The following GPHN variants were observed in gnomAD, a reference collection of about 807,000 sequenced individuals.
GPHN encodes gephyrin.
In GPHN, 17 loss-of-function variants were observed where a neutral mutation model predicts 95.5. That is an observed-to-expected ratio of 0.18 (90% CI 0.12 to 0.27). The LOEUF (loss-of-function observed/expected upper bound fraction) is 0.27. Among genes scored for constraint, GPHN ranks in the 10% least tolerant of loss-of-function variants. The pLI is 1.00. For missense variants in GPHN, 660 were observed against 978.1 expected, an observed-to-expected ratio of 0.67 and a Z score of 4.34; for synonymous variants, 320 against 322.5, an observed-to-expected ratio of 0.99 and a Z score of 0.08.
chr14:66,760,166 A>T (rs1017554484), intron 2 of GPHN, among the ~76,000 whole-genome samples: 3 of 152,166 alleles, frequency 2.0e-5, no homozygotes, highest in African/African-American at 7.2e-5. Flanking sequence ...TACAATTACT[A>T]TATGTGTTTT....
chr14:67,410,792 G>A, the GPHN span, among the ~76,000 whole-genome samples: 2 of 152,112 alleles, frequency 1.3e-5, no homozygotes, highest in Admixed American at 1.3e-4. Context: ...GCTCAGCCCT[G>A]GATTTATATG....
the GPHN span, chr14:67,557,456 C>G: frequency 6.3e-7 from 1 of 1,598,128 alleles, no homozygotes; most frequent in Non-Finnish European, 8.5e-7. Context: ...ATGCCCTCTT[C>G]GACATCTGTA....
chr14:67,014,903 C>T (rs1166591708), intron 9 of GPHN, among the ~76,000 whole-genome samples: 1 of 152,128 alleles, frequency 6.6e-6, no homozygotes, highest in Non-Finnish European at 1.5e-5. Flanking sequence ...AAGAGGAGAC[C>T]AGCCTGGGAT....
the GPHN span, among the ~76,000 whole-genome samples, chr14:67,686,709 C>CAAAGCACATGCTTTATGCTATTACATAA: frequency 6.6e-6 from 1 of 150,518 alleles, no homozygotes; most frequent in Non-Finnish European, 1.5e-5. Context: ...CATGCTATTT[C>CAAAGCACATGCTTTATGCTATTACATAA]AGGCCCCCAA....
chr14:67,299,273 G>T, the GPHN span, among the ~76,000 whole-genome samples: 2 of 151,872 alleles, frequency 1.3e-5, no homozygotes, highest in Admixed American at 6.6e-5. Context: ...AATATATTCT[G>T]GCTACAAGTT....
the GPHN span, among the ~76,000 whole-genome samples, chr14:67,541,424 C>T: frequency 6.6e-6 from 1 of 152,244 alleles, no homozygotes; most frequent in Non-Finnish European, 1.5e-5. Context: ...TTGAAAAACA[C>T]AAAGACAAGG....
chr14:67,531,642 C>A, the GPHN span, among the ~76,000 whole-genome samples: 2 of 150,154 alleles, frequency 1.3e-5, no homozygotes, highest in African/African-American at 4.9e-5. Flanking sequence ...GGCCGAGGTG[C>A]GGTGGCTCAT....
intron 4 of GPHN, among the ~76,000 whole-genome samples, chr14:66,848,764 A>G (rs1208715238): frequency 6.6e-6 from 1 of 152,020 alleles, no homozygotes; most frequent in African/African-American, 2.4e-5. Context: ...TGGAAATAAT[A>G]CATGCTTTTT....
chr14:67,011,778 A>G (rs2073026479), intron 9 of GPHN, among the ~76,000 whole-genome samples: 1 of 149,476 alleles, frequency 6.7e-6, no homozygotes, highest in Non-Finnish European at 1.5e-5. Context: ...TGCTATGAAG[A>G]TAGAATACAC....
intron 1 of GPHN, among the ~76,000 whole-genome samples, chr14:66,552,686 T>C (rs2059858048): frequency 1.3e-5 from 2 of 152,244 alleles, no homozygotes; most frequent in Admixed American, 1.3e-4. Context: ...ATATTTATTA[T>C]TGATGAATAT....
At chr14:66,857,956 A>G (rs1309498967) in intron 4 of GPHN, among the ~76,000 whole-genome samples, 2 of 152,170 alleles carry the variant, frequency 1.3e-5, no homozygotes, top group African/African-American at 4.8e-5. Context: ...AATACTGCCC[A>G]TAGAGGGACC....
At chr14:67,225,980 CAT>C in the GPHN span, among the ~76,000 whole-genome samples, 273 of 139,838 alleles carry the variant, frequency 2.0e-3, 7 homozygotes, top group Middle Eastern at 3.7e-3. Flanking sequence ...CGCGCGTGCG[CAT>C]GCGCGTGCAT....
At chr14:67,422,949 A>G in the GPHN span, among the ~76,000 whole-genome samples, 2 of 150,150 alleles carry the variant, frequency 1.3e-5, no homozygotes, top group Non-Finnish European at 2.9e-5. Context: ...ATCCTGCCTC[A>G]GCCTCCCGAG....
the GPHN span, among the ~76,000 whole-genome samples, chr14:67,687,379 A>G: frequency 6.6e-6 from 1 of 151,182 alleles, no homozygotes; most frequent in Non-Finnish European, 1.5e-5. Context: ...CAACCTACCA[A>G]TGGTAACCTT....
chr14:67,620,086 C>G, the GPHN span: 1 of 1,598,774 alleles, frequency 6.3e-7, no homozygotes, highest in East Asian at 2.3e-5. Context: ...CTCACAAGGG[C>G]AGGTGAGAAC....
At chr14:66,602,158 C>T (rs1283566378) in intron 1 of GPHN, among the ~76,000 whole-genome samples, 1 of 151,850 alleles carries the variant, frequency 6.6e-6, no homozygotes, top group Admixed American at 6.6e-5. Flanking sequence ...ACTCCAAAAC[C>T]CTTTATGACT....
rs1375899342 is a variant in GPHN, at chr14:67,029,500, G to A, written c.1006+5825G>A. Reference sequence around the variant, plus strand: ...TTACAGGCATGCGCCACCACACCCAGCTAATTTCGTATTTTTAGTAGAGAT... The same window carrying A: ...TTACAGGCATGCGCCACCACACCCAACTAATTTCGTATTTTTAGTAGAGAT... On this transcript the variant is annotated intron_variant, in intron 10 of 22. Transcript: ENST00000478722. Among the ~76,000 whole-genome samples, 3 of 152,058 alleles carry A rather than the reference G, an allele frequency of 2.0e-5. No individual in the cohort carries two copies. In the South Asian group the frequency reaches 6.2e-4, roughly 32 times the overall value.
chr14:67,123,549 A>G (rs1469224777), intron 17 of GPHN, among the ~76,000 whole-genome samples: 1 of 152,128 alleles, frequency 6.6e-6, no homozygotes, highest in Non-Finnish European at 1.5e-5. Flanking sequence ...GGTGGTACAC[A>G]TCTGTAATCC....
the GPHN span, among the ~76,000 whole-genome samples, chr14:67,247,866 A>G: frequency 2.6e-5 from 4 of 152,184 alleles, no homozygotes; most frequent in Non-Finnish European, 4.4e-5. Flanking sequence ...GGCATGAGTC[A>G]CAGTGCCTGG....
Sources: allele counts gnomAD v4.1 joint callset (sites outside exome capture counted in the v4.1 genomes callset), GRCh38; gene constraint gnomAD v4.1.1; transcripts MANE v1.5; gene names NCBI Gene and HGNC (gene_info 2026-07-23, HGNC 2026-07-21).